ISCU: variants seen among roughly 807,000 people sequenced by gnomAD.
The protein encoded by ISCU is iron-sulfur cluster assembly enzyme ISCU.
A neutral mutation model predicts 18.4 loss-of-function variants in ISCU; 13 were observed. That is an observed-to-expected ratio of 0.71 (90% CI 0.46 to 1.12). The LOEUF (loss-of-function observed/expected upper bound fraction) is 1.12. Ranked by LOEUF, ISCU falls within the 50% of genes most tolerant of loss-of-function variation. The pLI, the probability that ISCU is intolerant of heterozygous loss-of-function variation, is 0.00. For missense variants in ISCU, 229 were observed against 208.7 expected (o/e 1.10, Z -0.60); for synonymous variants, 104 against 87.5 (o/e 1.19, Z -1.06).
At chr12:108,561,921 T>C (rs1348005721), upstream of ISCU, among the ~76,000 whole-genome samples, 2 of 152,226 alleles carry the variant, frequency 1.3e-5, no homozygotes, top group Non-Finnish European at 2.9e-5. Context: ...TATTGGTGTG[T>C]GTCTCTATCT....
upstream of ISCU, chr12:108,562,561 A>G (rs2030630183): frequency 2.1e-6 from 2 of 969,292 alleles, no homozygotes; most frequent in Non-Finnish European, 1.4e-6. Context: ...CTCGGAGCCG[A>G]CTCGCAGACG....
At chr12:108,568,804 AG>A in intron 4 of ISCU, 26 bp from the exon 5 acceptor site, 1 of 1,604,750 alleles carries the variant, frequency 6.2e-7, no homozygotes, top group South Asian at 1.1e-5. Flanking sequence ...CTAGAAACTT[AG>A]GCTTCTTTCC....
At chr12:108,561,831 A>G (rs1372656522), upstream of ISCU, among the ~76,000 whole-genome samples, 1 of 151,570 alleles carries the variant, frequency 6.6e-6, no homozygotes, top group Non-Finnish European at 1.5e-5. Flanking sequence ...TTAGAGAGAA[A>G]AATAGACATA....
chr12:108,567,651 A>G lies in ISCU; in HGVS notation c.418+383A>G, dbSNP rs968001376. 8.5e-6 allele frequency: 13 copies of G among 1,535,494 alleles called. No individual in the cohort carries two copies. In the East Asian group the frequency reaches 2.9e-4, roughly 35 times the overall value. On this transcript the variant is annotated intron_variant, in intron 4 of 4. Transcript: ENST00000311893. ...GCCAGAATTTAAGCTCCAATCTTTG[A>G]TTTCAGAATCTGTGCTGTTTCCAGC... is the stretch of plus-strand genomic sequence containing the variant.
rs761091987 is a variant in ISCU, at chr12:108,562,653, C to T, written c.31C>T (p.Arg11Trp). The change falls in exon 1 of 5, where the codon CGG (arginine) becomes TGG (tryptophan). Residue 11 changes from arginine to tryptophan, a missense_variant. Transcript: ENST00000311893. MAAAGAFRLR[R>W]AASALLLRSP... ...GGCGGCTGGGGCTTTCCGTCTGAGG[C>T]GGGCGGCATCGGCTCTGCTGCTGCG... 8 of 1,458,128 alleles carry T rather than the reference C, an allele frequency of 5.5e-6. No individual in the cohort carries two copies. The East Asian group carries it at 8.6e-5, about 16-fold the overall frequency. The allele number at this position is 1,458,128 out of a possible 1,614,324, so 90.3% of individuals were successfully genotyped here.
rs569335888 is a variant in ISCU at position 108,567,835 on chromosome 12, G to T, written c.418+567G>T. Reference sequence around the variant, plus strand: ...CCCTGCTATCCTAAAAAAAAGCCCAGATGCCTTAAGACTTGTACTTGGCTT... The same window carrying T: ...CCCTGCTATCCTAAAAAAAAGCCCATATGCCTTAAGACTTGTACTTGGCTT... On this transcript the variant is annotated intron_variant, in intron 4 of 4. Coordinates refer to ENST00000311893, the MANE Select transcript of ISCU (RefSeq NM_213595.4). 25 of 1,502,924 alleles carry T rather than the reference G, an allele frequency of 1.7e-5. No homozygotes were observed. The South Asian group carries it at 2.8e-4, about 17-fold the overall frequency. The allele number at this position is 1,502,924 out of a possible 1,614,324, so 93.1% of individuals were successfully genotyped here.
At chr12:108,565,492 T>A (rs2030851765) in intron 3 of ISCU, 61 bp downstream of exon 3, 3 of 1,139,170 alleles carry the variant, frequency 2.6e-6, no homozygotes, top group Admixed American at 3.5e-5. Flanking sequence ...TTTTTAATAT[T>A]CTAAATTTTT....
chr12:108,562,904 A>G (rs769921700), intron 1 of ISCU, 168 bp downstream of exon 1: 59 of 407,946 alleles, frequency 1.4e-4, no homozygotes, highest in Non-Finnish European at 2.0e-4. Flanking sequence ...CTGATAAACA[A>G]CAGTTACCGC....
chr12:108,564,238 A>G (rs1215595863), intron 1 of ISCU, 41 bp from the exon 2 acceptor site: 2 of 1,569,162 alleles, frequency 1.3e-6, no homozygotes, highest in Non-Finnish European at 1.8e-6. Flanking sequence ...ACCAGTACCA[A>G]TAGAGAGTGA....
chr12:108,568,097 C>T (rs991288754), intron 4 of ISCU: 26 of 1,387,158 alleles, frequency 1.9e-5, no homozygotes, highest in Non-Finnish European at 2.2e-5. Flanking sequence ...GACCTAAGTT[C>T]TTTCCACTTG....
chr12:108,568,673 T>G, intron 4 of ISCU, 158 bp from the exon 5 acceptor site: 8 of 1,481,214 alleles, frequency 5.4e-6, no homozygotes, highest in Non-Finnish European at 7.2e-6. Flanking sequence ...AGGAAGCAGC[T>G]GCTGACGTGC....
In ISCU at chr12:108,569,167, C is replaced by T. The variant is rs2031039765; in HGVS notation, c.*251C>T. ...GTATATTTTGAATTGTGTGTATGAC[C>T]TCAGAACTGAAATTGATAATGAAGT... On this transcript the variant is annotated 3_prime_UTR_variant, in exon 5 of 5. Coordinates refer to ENST00000311893, the MANE Select transcript of ISCU (RefSeq NM_213595.4). 4.0e-6 allele frequency: 2 copies of T among 503,090 alleles called. No homozygotes were observed. Among genetic ancestry groups the T allele is most frequent in the Admixed American group, 6.8e-5 (2 of 29,576 alleles). 31.2% of individuals were successfully genotyped at this position (503,090 alleles called of 1,614,324 possible). A position where few individuals can be genotyped will look rare whatever the true frequency, so the allele number is the denominator to read the frequency against.
At chr12:108,563,804 T>G in intron 1 of ISCU, 1 of 465,216 alleles carries the variant, frequency 2.1e-6, no homozygotes, top group Non-Finnish European at 3.9e-6. Flanking sequence ...AAAAGACACA[T>G]AAACGTACAC....
intron 4 of ISCU, chr12:108,567,800 A>T (rs920455813): frequency 1.5e-4 from 224 of 1,530,190 alleles, no homozygotes; most frequent in Non-Finnish European, 1.9e-4. Context: ...CAGTTGTACA[A>T]TGTCCCCCTC....
rs72643413 is a variant in ISCU at position 108,568,047 on chromosome 12, G to A, written c.418+779G>A. On this transcript the variant is annotated intron_variant, in intron 4 of 4. Transcript: ENST00000311893. The stretch of plus-strand genomic sequence containing the variant: ...ACTCACAGCAGAAGAGCCAGGTGCC[G>A]GGGCAGACACACTAACTCATTCTTC... 0.039 allele frequency: 58,529 copies of A among 1,484,824 alleles called. 1,314 individuals carry two copies. Among genetic ancestry groups the A allele is most frequent in the African/African-American group, 0.071 (5,056 of 71,256 alleles). 92.0% of individuals were successfully genotyped at this position (1,484,824 alleles called of 1,614,324 possible).
chr12:108,566,380 T>G (rs1174594658), intron 3 of ISCU, among the ~76,000 whole-genome samples: 3 of 152,240 alleles, frequency 2.0e-5, no homozygotes, highest in African/African-American at 7.2e-5. Flanking sequence ...AACCTGGCCC[T>G]TAGGGGACTG....
chr12:108,562,389 C>T (rs1293187483), upstream of ISCU, among the ~76,000 whole-genome samples: 1 of 152,224 alleles, frequency 6.6e-6, no homozygotes, highest in Non-Finnish European at 1.5e-5. Context: ...AACCAGAATC[C>T]AGCACCCAGG....
Position 108,568,990 on chromosome 12 carries a change from C to A in ISCU, c.*74C>A. 1 of 1,270,842 alleles carries A rather than the reference C, an allele frequency of 7.9e-7. No individual in the cohort carries two copies. The highest frequency in any genetic ancestry group is 1.1e-6 in the Non-Finnish European group (1 of 888,622). 78.7% of individuals were successfully genotyped at this position (1,270,842 alleles called of 1,614,324 possible). A position where few individuals can be genotyped will look rare whatever the true frequency, so the allele number is the denominator to read the frequency against. ...CTGCTGTGCAGTCACCTTAGATGTTCAGAAGCCGCTTCCTCTCCACTGAAG... is the reference window on the plus strand; with the variant it reads ...CTGCTGTGCAGTCACCTTAGATGTTAAGAAGCCGCTTCCTCTCCACTGAAG... On this transcript the variant is annotated 3_prime_UTR_variant, in exon 5 of 5. Transcript: ENST00000311893.
intron 1 of ISCU, chr12:108,563,043 A>G: frequency 4.3e-6 from 1 of 230,216 alleles, no homozygotes; most frequent in Non-Finnish European, 8.4e-6. Flanking sequence ...AGGGACAGAC[A>G]CACCCCCGGA....
Sources: gnomAD v4.1 joint callset for allele counts (sites outside exome capture counted in the v4.1 genomes callset) on GRCh38, gnomAD v4.1.1 for gene constraint, MANE v1.5 for transcripts, NCBI Gene and HGNC (gene_info 2026-07-23, HGNC 2026-07-21) for gene names.